The following MSL3 variants were observed in gnomAD, a reference collection of about 807,000 sequenced individuals.
The protein encoded by MSL3 is MSL3-like 1.
Under a neutral mutation model 37.2 loss-of-function variants are expected in MSL3, and 5 were observed. That is an observed-to-expected ratio of 0.13 (90% confidence interval 0.07 to 0.28). MSL3 has a LOEUF of 0.28. Ranked by LOEUF, MSL3 falls within the 10% of genes least tolerant of loss-of-function variation. The pLI is 1.00. For synonymous variants in MSL3, 149 were observed against 147.6 expected, an observed-to-expected ratio of 1.01 and a Z score of -0.07; for missense variants, 315 against 408.5, an observed-to-expected ratio of 0.77 and a Z score of 1.97.
intron 9 of MSL3, chrX:11,767,379 A>G: frequency 2.2e-6 from 1 of 458,668 alleles, no homozygotes; most frequent in Non-Finnish European, 2.7e-6. Context: ...ACAGTGGTTC[A>G]TGCCTGTGAG....
intron 10 of MSL3, among the ~76,000 whole-genome samples, chrX:11,770,091 C>T (rs1479977917): frequency 8.9e-6 from 1 of 112,891 alleles, no homozygotes; most frequent in Non-Finnish European, 1.9e-5. Flanking sequence ...CTGTGTGCTG[C>T]CCCCTTAATT....
chrX:11,767,322 C>T, intron 9 of MSL3: 8 of 708,965 alleles, frequency 1.1e-5, no homozygotes, highest in Non-Finnish European at 1.3e-5. Context: ...AGATATAATC[C>T]ACATACCTTA....
chrX:11,774,964 TA>T lies in MSL3; in HGVS notation c.1467-15del, dbSNP rs749927600. The T allele has an allele frequency of 2.5e-5, 29 of 1,140,811 alleles. No homozygotes were observed. In the South Asian group the frequency reaches 5.2e-4, roughly 20 times the overall value. 94.0% of individuals were successfully genotyped at this position (1,140,811 alleles called of 1,213,427 possible). On this transcript the variant is annotated splice_polypyrimidine_tract_variant and intron_variant, in intron 12 of 12. Coordinates refer to ENST00000312196, the MANE Select transcript of MSL3 (RefSeq NM_078629.4). Reference sequence around the variant, plus strand: ...TCCTTAGTATGGTGCTCATTGGGGCTATTTTTTTTTTCCAGGTTTTTAGCAG... The same window carrying T: ...TCCTTAGTATGGTGCTCATTGGGGCTTTTTTTTTTTCCAGGTTTTTAGCAG...
Position 11,768,615 on chromosome X carries a change from C to G in MSL3, c.1214C>G (p.Thr405Ser), listed in dbSNP as rs1178945218. 3 of 1,206,764 alleles carry G rather than the reference C, an allele frequency of 2.5e-6. No homozygotes were observed. The East Asian group carries it at 8.9e-5, about 36-fold the overall frequency. The change falls in exon 10 of 13, where the codon ACT becomes AGT. Residue 405 changes from threonine to serine, a missense_variant. Thr to Ser is a moderately conservative substitution (Grantham distance 58). Coordinates refer to ENST00000312196, the MANE Select transcript of MSL3 (RefSeq NM_078629.4). ...AGATCATCTTCACCTATTCCTCTGACTCCTAGCAAGGAAGGGAGTGCTGTG... is the reference window on the plus strand; with the variant it reads ...AGATCATCTTCACCTATTCCTCTGAGTCCTAGCAAGGAAGGGAGTGCTGTG... ...HSRSSSPIPL[T>S]PSKEGSAVFA... is the part of the protein sequence containing the mutation.
intron 3 of MSL3, 105 bp downstream of exon 3, chrX:11,760,603 AAAT>A: frequency 1.9e-6 from 1 of 537,386 alleles, no homozygotes; most frequent in Non-Finnish European, 2.8e-6. Context: ...ATCATTTATT[AAAT>A]AATTTTAAAT....
chrX:11,761,946 A>G (rs2053136569), intron 5 of MSL3, among the ~76,000 whole-genome samples, 184 bp from the exon 6 acceptor site: 1 of 112,337 alleles, frequency 8.9e-6, no homozygotes, highest in African/African-American at 3.2e-5. Flanking sequence ...AATGAAATAC[A>G]TATTTGCATT....
rs2053237662 is a variant in MSL3 at position 11,772,137 on chromosome X, C to G, written c.1282-19C>G. 3 of 1,132,206 alleles carry G rather than the reference C, an allele frequency of 2.6e-6. No individual in the cohort carries two copies. Among genetic ancestry groups the G allele is most frequent in the Non-Finnish European group, 3.6e-6 (3 of 826,067 alleles). 93.3% of individuals were successfully genotyped at this position (1,132,206 alleles called of 1,213,427 possible). A position where few individuals can be genotyped will look rare whatever the true frequency, so the allele number is the denominator to read the frequency against. On this transcript the variant is annotated intron_variant, in intron 10 of 12. Coordinates refer to ENST00000312196, the MANE Select transcript of MSL3 (RefSeq NM_078629.4). Reference sequence around the variant, plus strand: ...CTCCATTAAGAATAACAAAAGCATTCAATTCGTGCTTTTTCCAGGTCCTCT... The same window carrying G: ...CTCCATTAAGAATAACAAAAGCATTGAATTCGTGCTTTTTCCAGGTCCTCT...
chrX:11,763,063 A>G (rs111535116), intron 7 of MSL3, 66 bp downstream of exon 7: 3 of 896,423 alleles, frequency 3.3e-6, no homozygotes, highest in Non-Finnish European at 4.6e-6. Flanking sequence ...TCCATTTAGA[A>G]CAGGTGACAC....
At chrX:11,759,432 G>A (rs1015798836) in intron 1 of MSL3, 2 of 186,967 alleles carry the variant, frequency 1.1e-5, no homozygotes, top group Non-Finnish European at 1.8e-5. Flanking sequence ...TCTCCAGCTA[G>A]CCATCCTGGC....
chrX:11,767,805 A>G (rs5935159), intron 9 of MSL3: 71,428 of 628,467 alleles, frequency 0.11, 3,202 homozygotes, highest in African/African-American at 0.22. Context: ...CCACTAATCT[A>G]TTTGTCTCTA....
intron 3 of MSL3, 48 bp from the exon 4 acceptor site, chrX:11,760,789 C>T (rs777952186): frequency 3.8e-5 from 37 of 982,962 alleles, no homozygotes; most frequent in Non-Finnish European, 4.6e-5. Context: ...TCAAGACTCA[C>T]GAGTTCAATG....
chrX:11,761,971 C>T (rs1053311475), intron 5 of MSL3, among the ~76,000 whole-genome samples, 159 bp from the exon 6 acceptor site: 1 of 112,257 alleles, frequency 8.9e-6, no homozygotes, highest in Admixed American at 9.4e-5. Context: ...TTAGTGCCCC[C>T]AAACAAGTTA....
In MSL3 at chrX:11,775,430, A is replaced by G; in HGVS notation, c.*351A>G. 1 of 143,992 alleles carries G rather than the reference A, an allele frequency of 6.9e-6. No homozygotes were observed. Among genetic ancestry groups the G allele is most frequent in the Non-Finnish European group, 1.4e-5 (1 of 73,610 alleles). The allele number at this position is 143,992 out of a possible 1,213,427, so 11.9% of individuals were successfully genotyped here. The stretch of plus-strand genomic sequence containing the variant: ...GTCTCTTTATTTGTTAGCATTAAAC[A>G]AATTTTTTTTTGCAAATTGGTTTTA... On this transcript the variant is annotated 3_prime_UTR_variant, in exon 13 of 13. Transcript: ENST00000312196.
intron 9 of MSL3, 46 bp downstream of exon 9, chrX:11,765,775 A>C (rs372545766): frequency 5.0e-6 from 6 of 1,195,733 alleles, no homozygotes; most frequent in Non-Finnish European, 6.8e-6. Context: ...GCCAGCGTGT[A>C]CTTTGTGTTT....
At position 11,765,515 on chromosome X, in the gene MSL3, G is replaced by T. The variant is rs200625319; in HGVS notation, c.957G>T (p.Thr319=). The T allele has an allele frequency of 8.3e-7, 1 of 1,207,663 alleles. No individual in the cohort carries two copies. Among genetic ancestry groups the T allele is most frequent in the South Asian group, 1.8e-5 (1 of 56,649 alleles). ...GTCCGCCTTTGTTGAATCCATCCAC[G>T]CCACAGTCCACAGAGAGTCAGCCGA... ...SPSPPLLNPS[T]PQSTESQPTT... is the part of the protein sequence containing the mutation. The change falls in exon 9 of 13, where the codon ACG becomes ACT. Residue 319 remains threonine, a synonymous_variant. Transcript: ENST00000312196.
chrX:11,767,584 G>A (rs1209133010), intron 9 of MSL3: 1 of 113,856 alleles, frequency 8.8e-6, no homozygotes, highest in Non-Finnish European at 1.8e-5. Flanking sequence ...AGACTGCAGT[G>A]AGCTCTCATT....
At position 11,758,817 on chromosome X, in the gene MSL3, G is replaced by T. The variant is rs746878944; in HGVS notation, c.102+452G>T. On this transcript the variant is annotated intron_variant, in intron 1 of 12. Coordinates refer to ENST00000312196, the MANE Select transcript of MSL3 (RefSeq NM_078629.4). ...ACGGCGCTGGCCGCTGACTTGCGACGTTGTGTCCCTGGGACCCTAGTCCAG... is the reference window on the plus strand; with the variant it reads ...ACGGCGCTGGCCGCTGACTTGCGACTTTGTGTCCCTGGGACCCTAGTCCAG... 7.9e-5 allele frequency: 89 copies of T among 1,132,852 alleles called. No homozygotes were observed. In the East Asian group the frequency reaches 1.6e-3, roughly 21 times the overall value. 93.4% of individuals were successfully genotyped at this position (1,132,852 alleles called of 1,213,427 possible). A position where few individuals can be genotyped will look rare whatever the true frequency, so the allele number is the denominator to read the frequency against.
At position 11,775,196 on chromosome X, in the gene MSL3, G is replaced by A; in HGVS notation, c.*117G>A. ...ACAGCGCAAACACAATGCCCACCTTGGGGCTCTGTTGTTTGAGTTGCCCAC... is the reference window on the plus strand; with the variant it reads ...ACAGCGCAAACACAATGCCCACCTTAGGGCTCTGTTGTTTGAGTTGCCCAC... On this transcript the variant is annotated 3_prime_UTR_variant, in exon 13 of 13. Coordinates refer to ENST00000312196, the MANE Select transcript of MSL3 (RefSeq NM_078629.4). 1 of 499,947 alleles carries A rather than the reference G, an allele frequency of 2.0e-6. No individual in the cohort carries two copies. Among genetic ancestry groups the A allele is most frequent in the African/African-American group, 2.4e-5 (1 of 42,219 alleles). 41.2% of individuals were successfully genotyped at this position (499,947 alleles called of 1,213,427 possible).
Position 11,762,872 on chromosome X carries a change from G to T in MSL3, c.624G>T (p.Thr208=). 1.7e-6 allele frequency: 2 copies of T among 1,209,505 alleles called. No individual in the cohort carries two copies. The highest frequency in any genetic ancestry group is 2.2e-6 in the Non-Finnish European group (2 of 894,468). ...TTCCATGCCAGACCAACATCATAAC[G>T]ATTTTGGAATCCTATGTGAAGCATT... is the stretch of plus-strand genomic sequence containing the variant. ...VKLPCQTNII[T]ILESYVKHFA... Residue 208 remains threonine (T), a synonymous_variant, in exon 7 of 13, where the codon ACG becomes ACT. Coordinates refer to ENST00000312196, the MANE Select transcript of MSL3 (RefSeq NM_078629.4).
Sources: allele counts gnomAD v4.1 joint callset (sites outside exome capture counted in the v4.1 genomes callset), GRCh38; gene constraint gnomAD v4.1.1; transcripts MANE v1.5; gene names NCBI Gene and HGNC (gene_info 2026-07-23, HGNC 2026-07-21).